MSI2: variants seen among roughly 807,000 people sequenced by gnomAD.
MSI2 encodes the protein musashi RNA binding protein 2, also known as RNA-binding protein Musashi homolog 2.
In MSI2, 17 loss-of-function variants were observed where a neutral mutation model predicts 45.6. That is an observed-to-expected ratio of 0.37 (90% CI 0.26 to 0.56). The LOEUF (loss-of-function observed/expected upper bound fraction) is 0.56, where lower values mean the gene tolerates loss of function less well. Ranked by LOEUF, MSI2 falls within the 20% of genes least tolerant of loss-of-function variation. The pLI is 0.77. For synonymous variants in MSI2, 156 were observed against 158.2 expected, an observed-to-expected ratio of 0.99 and a Z score of 0.11; for missense variants, 293 against 444.2, an observed-to-expected ratio of 0.66 and a Z score of 3.06.
At chr17:57,649,609 C>T (rs1910976730) in intron 10 of MSI2, among the ~76,000 whole-genome samples, 1 of 152,184 alleles carries the variant, frequency 6.6e-6, no homozygotes, top group Non-Finnish European at 1.5e-5. Flanking sequence ...TCTGTGCTTG[C>T]CCATCTCCCG....
intron 6 of MSI2, among the ~76,000 whole-genome samples, chr17:57,422,922 T>C (rs550849754): frequency 1.8e-3 from 281 of 152,322 alleles, no homozygotes; most frequent in Middle Eastern, 6.8e-3. Context: ...CATGGGTTTC[T>C]TTCTTTGTCC....
At chr17:57,678,130 C>T (rs1913363945) in intron 13 of MSI2, among the ~76,000 whole-genome samples, 1 of 152,190 alleles carries the variant, frequency 6.6e-6, no homozygotes. Context: ...GGATGCCTCT[C>T]TCGTAGAGAG....
At chr17:57,449,545 C>G (rs537097677) in intron 6 of MSI2, 1 of 152,260 alleles carries the variant, frequency 6.6e-6, no homozygotes, top group East Asian at 1.9e-4. Context: ...TTCCCCAAGG[C>G]TTGATCGTAG....
intron 6 of MSI2, among the ~76,000 whole-genome samples, chr17:57,459,324 A>C (rs2085177492): frequency 6.6e-6 from 1 of 152,152 alleles, no homozygotes; most frequent in Non-Finnish European, 1.5e-5. Flanking sequence ...GGTGAGGTGA[A>C]CATGGGATGC....
intron 6 of MSI2, among the ~76,000 whole-genome samples, chr17:57,412,366 C>T (rs1160254874): frequency 6.6e-6 from 1 of 152,096 alleles, no homozygotes. Flanking sequence ...TATATTAGAA[C>T]AAATATTATG....
At chr17:57,341,271 G>A (rs1915125837) in intron 5 of MSI2, among the ~76,000 whole-genome samples, 1 of 152,194 alleles carries the variant, frequency 6.6e-6, no homozygotes. Context: ...TATCCAGCTC[G>A]CAGTGGTGTG....
At chr17:57,427,962 T>C (rs1294870422) in intron 6 of MSI2, among the ~76,000 whole-genome samples, 2 of 152,128 alleles carry the variant, frequency 1.3e-5, no homozygotes, top group Non-Finnish European at 2.9e-5. Flanking sequence ...CTATATATTA[T>C]ATAGATTAGC....
chr17:57,426,485 G>T (rs2084494840), intron 6 of MSI2, among the ~76,000 whole-genome samples: 1 of 152,180 alleles, frequency 6.6e-6, no homozygotes, highest in African/African-American at 2.4e-5. Flanking sequence ...TACCCATTTT[G>T]GGATTTTTCT....
At chr17:57,601,352 G>A (rs1272312657) in intron 8 of MSI2, 1 of 152,250 alleles carries the variant, frequency 6.6e-6, no homozygotes, top group Non-Finnish European at 1.5e-5. Context: ...ATGCAAATGT[G>A]GCTCTTTATC....
chr17:57,272,649 G>C (rs572192294), intron 5 of MSI2, among the ~76,000 whole-genome samples: 62 of 152,298 alleles, frequency 4.1e-4, no homozygotes, highest in African/African-American at 1.5e-3. Flanking sequence ...TGCAACCTTG[G>C]GGGTAGAAGA....
intron 6 of MSI2, among the ~76,000 whole-genome samples, chr17:57,426,757 C>G (rs1179736619): frequency 2.0e-5 from 3 of 152,150 alleles, no homozygotes; most frequent in African/African-American, 7.2e-5. Flanking sequence ...CCTGTTGTTA[C>G]CTTTTACATC....
At chr17:57,524,790 C>A (rs569874808) in intron 6 of MSI2, among the ~76,000 whole-genome samples, 1 of 152,136 alleles carries the variant, frequency 6.6e-6, no homozygotes, top group Admixed American at 6.5e-5. Flanking sequence ...GGAACTTGCT[C>A]CTAGATGGGA....
intron 6 of MSI2, among the ~76,000 whole-genome samples, chr17:57,512,967 C>T (rs59329005): frequency 0.039 from 1,098 of 28,362 alleles, 50 homozygotes; most frequent in South Asian, 0.1. Flanking sequence ...TTAGCTTCTT[C>T]CTTTTTTTTT....
intron 7 of MSI2, among the ~76,000 whole-genome samples, chr17:57,574,458 A>G (rs1169250404): frequency 3.9e-5 from 6 of 152,214 alleles, no homozygotes; most frequent in Admixed American, 3.3e-4. Context: ...TGGGCGGGGC[A>G]GGGCGGAGAA....
At chr17:57,345,643 ACCC>A (rs1206608952) in intron 5 of MSI2, among the ~76,000 whole-genome samples, 2 of 151,934 alleles carry the variant, frequency 1.3e-5, no homozygotes, top group African/African-American at 4.8e-5. Flanking sequence ...ACATGGTAAA[ACCC>A]TGTCTGTGCT....
intron 6 of MSI2, among the ~76,000 whole-genome samples, chr17:57,521,971 A>G (rs2086594966): frequency 6.6e-6 from 1 of 152,220 alleles, no homozygotes; most frequent in Non-Finnish European, 1.5e-5. Flanking sequence ...CACACGGAAA[A>G]GTCTTATTTC....
At chr17:57,324,962 A>G (rs1913664275) in intron 5 of MSI2, among the ~76,000 whole-genome samples, 2 of 152,228 alleles carry the variant, frequency 1.3e-5, no homozygotes, top group South Asian at 4.1e-4. Flanking sequence ...GCCACAGCTC[A>G]GAGCCCAGTG....
intron 8 of MSI2, among the ~76,000 whole-genome samples, chr17:57,598,674 T>C (rs1353148213): frequency 6.6e-6 from 1 of 152,090 alleles, no homozygotes; most frequent in African/African-American, 2.4e-5. Context: ...ATTTTTTTTT[T>C]TTAATTGAGA....
At chr17:57,500,922 C>G (rs1362771937) in intron 6 of MSI2, among the ~76,000 whole-genome samples, 1 of 151,002 alleles carries the variant, frequency 6.6e-6, no homozygotes, top group East Asian at 1.9e-4. Flanking sequence ...ATGATTGTAC[C>G]ACTGCAGTAC....
Sources: gnomAD v4.1 joint callset for allele counts (sites outside exome capture counted in the v4.1 genomes callset) on GRCh38, gnomAD v4.1.1 for gene constraint, MANE v1.5 for transcripts, NCBI Gene and HGNC (gene_info 2026-07-23, HGNC 2026-07-21) for gene names.